Variants in GPR158 observed in about 807,000 individuals in gnomAD.
GPR158 encodes the protein G protein-coupled receptor 158, also known as metabotropic glycine receptor.
In GPR158, 30 loss-of-function variants were observed where a neutral mutation model predicts 78.2. The ratio of observed to expected loss-of-function variants is 0.38; its 90% CI spans 0.29 to 0.52. The LOEUF (loss-of-function observed/expected upper bound fraction) is 0.52, where lower values mean the gene tolerates loss of function less well. Among genes scored for constraint, GPR158 ranks in the 20% least tolerant of loss-of-function variants. The probability of loss-of-function intolerance (pLI) is 0.83; values close to 1 mark genes in which losing one functional copy is unlikely to be tolerated. For missense variants in GPR158, 1,463 were observed against 1,523.5 expected, an observed-to-expected ratio of 0.96 and a Z score of 0.66; for synonymous variants, 581 against 591.1, an observed-to-expected ratio of 0.98 and a Z score of 0.25.
rs755597656 is a variant in GPR158 at position 25,598,176 on chromosome 10, A to G, written c.2550A>G (p.Glu850=). Reference sequence around the variant, plus strand: ...AGACAACAGAAAATTCCACACTGGAATCCCTGTCGGGTAAAAAACTAACAC... The same window carrying G: ...AGACAACAGAAAATTCCACACTGGAGTCCCTGTCGGGTAAAAAACTAACAC... ...EEETTENSTL[E]SLSGKKLTQK... The change falls in exon 11 of 11, where the codon GAA becomes GAG. Residue 850 remains glutamate, a synonymous_variant. Transcript: ENST00000376351. 6.2e-7 allele frequency: 1 copy of G among 1,614,194 alleles called. No individual in the cohort carries two copies. Among genetic ancestry groups the G allele is most frequent in the Non-Finnish European group, 8.5e-7 (1 of 1,180,020 alleles).
At chr10:25,526,129 A>G (rs1002464071) in intron 5 of GPR158, among the ~76,000 whole-genome samples, 15 of 146,232 alleles carry the variant, frequency 1.0e-4, no homozygotes, top group Admixed American at 8.8e-4. Flanking sequence ...AAAAAAAAAA[A>G]AAGTCATAGC....
intron 2 of GPR158, among the ~76,000 whole-genome samples, chr10:25,328,648 C>T (rs191903272): frequency 5.7e-4 from 87 of 151,922 alleles, no homozygotes; most frequent in African/African-American, 1.9e-3. Flanking sequence ...ATCAATTGGC[C>T]GGGCGTGGTA....
Position 25,408,342 on chromosome 10 carries a change from A to C in GPR158, c.1112-3908A>C, listed in dbSNP as rs544018210. 6.6e-4 allele frequency among the ~76,000 whole-genome samples: 101 copies of C among 152,262 alleles called. 1 individual carries two copies. The highest frequency in any genetic ancestry group is 3.7e-3 in the South Asian group (18 of 4,822). ...TAGGATTCACTGTCCTTTGTTGCTAATGTCCAGTGCCTGGTAAAGCCATCA... is the reference window on the plus strand; with the variant it reads ...TAGGATTCACTGTCCTTTGTTGCTACTGTCCAGTGCCTGGTAAAGCCATCA... On this transcript the variant is annotated intron_variant, in intron 3 of 10. Transcript: ENST00000376351.
rs1428295046 is a variant in GPR158 at position 25,431,308 on chromosome 10, G to T, written c.1335+18835G>T. 4.1e-5 allele frequency among the ~76,000 whole-genome samples: 6 copies of T among 145,958 alleles called. No homozygotes were observed. The East Asian group carries it at 1.2e-3, about 29-fold the overall frequency. On this transcript the variant is annotated intron_variant, in intron 4 of 10. Transcript: ENST00000376351. ...GAAATGCAAATCAAAACCACAATGA[G>T]ATACCATCTCACACCAGTTAGAATG... is the stretch of plus-strand genomic sequence containing the variant.
At chr10:25,318,565 A>G (rs1410045633) in intron 2 of GPR158, among the ~76,000 whole-genome samples, 1 of 152,066 alleles carries the variant, frequency 6.6e-6, no homozygotes, top group Admixed American at 6.6e-5. Flanking sequence ...AAACAAATCT[A>G]CTGGAAAATG....
At chr10:25,276,564 A>G (rs2130748578) in intron 2 of GPR158, among the ~76,000 whole-genome samples, 1 of 152,300 alleles carries the variant, frequency 6.6e-6, no homozygotes, top group South Asian at 2.1e-4. Flanking sequence ...ATCTAGACAG[A>G]GAGCTAAGAA....
At chr10:25,465,506 G>A (rs965052226) in intron 4 of GPR158, among the ~76,000 whole-genome samples, 1 of 152,278 alleles carries the variant, frequency 6.6e-6, no homozygotes. Context: ...AAGGTTATTA[G>A]ATATATTCAT....
intron 2 of GPR158, among the ~76,000 whole-genome samples, chr10:25,257,284 T>C (rs1853901141): frequency 6.6e-6 from 1 of 152,170 alleles, no homozygotes; most frequent in Non-Finnish European, 1.5e-5. Flanking sequence ...GCCCTCATGA[T>C]ATAATCTTTT....
chr10:25,538,619 TC>T (rs1432522000), intron 5 of GPR158, among the ~76,000 whole-genome samples: 1 of 152,178 alleles, frequency 6.6e-6, no homozygotes, highest in Non-Finnish European at 1.5e-5. Context: ...CATGTGATCT[TC>T]CTGCCCAGCT....
chr10:25,505,855 T>G lies in GPR158; in HGVS notation c.1404+39136T>G, dbSNP rs1588890762. On this transcript the variant is annotated intron_variant, in intron 5 of 10. Transcript: ENST00000376351. ...CCTGTAAGGCTCAACTCAGGCTTTT[T>G]GTCATCAAGAAAGTTTTCTGACCCA... 2.0e-5 allele frequency among the ~76,000 whole-genome samples: 3 copies of G among 152,206 alleles called. No homozygotes were observed. In the South Asian group the frequency reaches 6.2e-4, roughly 31 times the overall value.
At chr10:25,538,449 T>G (rs1018634687) in intron 5 of GPR158, among the ~76,000 whole-genome samples, 2 of 152,166 alleles carry the variant, frequency 1.3e-5, no homozygotes, top group African/African-American at 4.8e-5. Flanking sequence ...CTGTGTATGT[T>G]TCTATGTATG....
intron 2 of GPR158, among the ~76,000 whole-genome samples, chr10:25,224,072 C>T (rs552886583): frequency 6.6e-6 from 1 of 152,114 alleles, no homozygotes; most frequent in South Asian, 2.1e-4. Context: ...AGAAAATAAT[C>T]TCTCAGTGAG....
chr10:25,390,409 G>A (rs574462734), intron 2 of GPR158, among the ~76,000 whole-genome samples: 10 of 152,316 alleles, frequency 6.6e-5, no homozygotes, highest in Non-Finnish European at 1.0e-4. Context: ...TGAAGTCCAG[G>A]CTGAGCTGTT....
chr10:25,353,397 T>C (rs1170642403), intron 2 of GPR158, among the ~76,000 whole-genome samples: 4 of 151,976 alleles, frequency 2.6e-5, no homozygotes, highest in Non-Finnish European at 5.9e-5. Flanking sequence ...AAGATTTCCA[T>C]AACTGATTTT....
chr10:25,431,082 T>A (rs1246751261), intron 4 of GPR158, among the ~76,000 whole-genome samples: 74 of 141,504 alleles, frequency 5.2e-4, no homozygotes, highest in African/African-American at 1.6e-3. Context: ...GGCAACCTAC[T>A]AAATGGGAGA....
chr10:25,471,562 G>A (rs185968487), intron 5 of GPR158, among the ~76,000 whole-genome samples: 1 of 152,248 alleles, frequency 6.6e-6, no homozygotes, highest in African/African-American at 2.4e-5. Context: ...GGTTGAACTA[G>A]TTTACAGTCC....
chr10:25,222,954 T>C (rs1853321071), intron 2 of GPR158, among the ~76,000 whole-genome samples: 1 of 152,194 alleles, frequency 6.6e-6, no homozygotes, highest in Non-Finnish European at 1.5e-5. Context: ...TTTATTTGAC[T>C]AGATGGTCAT....
At chr10:25,495,315 T>TTTTG (rs1835866028) in intron 5 of GPR158, among the ~76,000 whole-genome samples, 1 of 147,438 alleles carries the variant, frequency 6.8e-6, no homozygotes. Flanking sequence ...TTTTTTTTTT[T>TTTTG]GAGACGGAGT....
At position 25,341,689 on chromosome 10, in the gene GPR158, C is replaced by G. The variant is rs186232927; in HGVS notation, c.1009-54222C>G. 5.3e-4 allele frequency among the ~76,000 whole-genome samples: 81 copies of G among 151,936 alleles called. No individual in the cohort carries two copies. The East Asian group carries it at 0.011, about 21-fold the overall frequency. On this transcript the variant is annotated intron_variant, in intron 2 of 10. Transcript: ENST00000376351. The stretch of plus-strand genomic sequence containing the variant: ...GGCATAAGCAAATCATTCGTCTCTC[C>G]TTCACTTTCATAAACTATTATTTTT...
Sources: gnomAD v4.1 joint callset for allele counts (sites outside exome capture counted in the v4.1 genomes callset) on GRCh38, gnomAD v4.1.1 for gene constraint, MANE v1.5 for transcripts, NCBI Gene and HGNC (gene_info 2026-07-23, HGNC 2026-07-21) for gene names.